ZNF827: variants seen among roughly 807,000 people sequenced by gnomAD.
ZNF827 encodes the protein zinc finger protein 827.
In ZNF827, 13 loss-of-function variants were observed where a neutral mutation model predicts 102.4. That is an observed-to-expected ratio of 0.13 (90% CI 0.08 to 0.20). The LOEUF is 0.20. Among genes scored for constraint, ZNF827 ranks in the 10% least tolerant of loss-of-function variants. ZNF827 has a pLI of 1.00. For synonymous variants in ZNF827, 523 were observed against 536.2 expected, an observed-to-expected ratio of 0.98 and a Z score of 0.34; for missense variants, 1,103 against 1,344.4, an observed-to-expected ratio of 0.82 and a Z score of 2.81.
intron 1 of ZNF827, among the ~76,000 whole-genome samples, chr4:145,917,723 A>AG (rs1752766038): frequency 6.8e-6 from 1 of 147,116 alleles, no homozygotes; most frequent in South Asian, 2.1e-4. Flanking sequence ...AAAAAAAAAA[A>AG]AAAGAAAAGA....
At chr4:145,851,503 C>T (rs1230050287) in intron 5 of ZNF827, among the ~76,000 whole-genome samples, 1 of 151,330 alleles carries the variant, frequency 6.6e-6, no homozygotes, top group African/African-American at 2.4e-5. Context: ...GTTTATTGAC[C>T]GGTAGTTAAA....
chr4:145,765,109 G>A lies in ZNF827; in HGVS notation c.3109C>T (p.His1037Tyr). Reference sequence around the variant, plus strand: ...CGGGTGATGAGGTGTATCTGCAGATGACGCTCAAACATGTTCTTCGTCTTG... The same window carrying A: ...CGGGTGATGAGGTGTATCTGCAGATAACGCTCAAACATGTTCTTCGTCTTG... ...VCKTKNMFER[H>Y]LQIHLITRMF... is the part of the protein sequence containing the mutation. Residue 1037 changes from histidine (H) to tyrosine (Y), a missense_variant, in exon 13 of 15, where the codon CAT becomes TAT. Physicochemically the swap from His to Tyr is moderately conservative, Grantham distance 83. This residue lies in a region of ZNF827 where 242 missense variants were observed against 361.9 expected (regional missense o/e 0.67). Coordinates refer to ENST00000508784, the MANE Select transcript of ZNF827 (RefSeq NM_001306215.2). This position sits in a 1 kb window ranked among gnomAD's most constrained non-coding sequence, Gnocchi z 4.7. 6.2e-7 allele frequency: 1 copy of A among 1,614,106 alleles called. No individual in the cohort carries two copies. Among genetic ancestry groups the A allele is most frequent in the Non-Finnish European group, 8.5e-7 (1 of 1,180,020 alleles).
chr4:145,847,731 T>A (rs1417165615), intron 6 of ZNF827, among the ~76,000 whole-genome samples: 1 of 152,208 alleles, frequency 6.6e-6, no homozygotes, highest in Non-Finnish European at 1.5e-5. Context: ...AGAAAAAACC[T>A]GGCCAACTGT....
intron 8 of ZNF827, among the ~76,000 whole-genome samples, chr4:145,806,417 A>C (rs1741460640): frequency 6.6e-6 from 1 of 152,064 alleles, no homozygotes; most frequent in Admixed American, 6.5e-5. Flanking sequence ...TGGCCTCCCA[A>C]AGTGCTGGGA....
In ZNF827 at chr4:145,902,712, A is replaced by C; in HGVS notation, c.547T>G (p.Tyr183Asp). Residue 183 changes from tyrosine (Y) to aspartate (D), a missense_variant, in exon 2 of 15, where the codon TAC becomes GAC. Physicochemically the swap from Tyr to Asp is radical, Grantham distance 160. Coordinates refer to ENST00000508784, the MANE Select transcript of ZNF827 (RefSeq NM_001306215.2). The surrounding 1 kb of genome is among the most constrained non-coding windows in gnomAD (Gnocchi z 4.3). ...LAEKQEQNDQYTPSNRFIWNQ... is the reference protein window; with the variant it reads ...LAEKQEQNDQDTPSNRFIWNQ... ...CATATAAAACGGTTACTTGGAGTGT[A>C]TTGGTCATTCTGTTCCTGCTTCTCG... 1 of 1,613,948 alleles carries C rather than the reference A, an allele frequency of 6.2e-7. No homozygotes were observed. Among genetic ancestry groups the C allele is most frequent in the Middle Eastern group, 1.6e-4 (1 of 6,062 alleles).
intron 3 of ZNF827, among the ~76,000 whole-genome samples, chr4:145,889,040 C>T (rs577911446): frequency 2.6e-4 from 39 of 151,886 alleles, no homozygotes; most frequent in Non-Finnish European, 5.1e-4. Context: ...TTTAAAACAT[C>T]GATATACCAA....
chr4:145,777,116 T>C (rs141758647), intron 9 of ZNF827, among the ~76,000 whole-genome samples: 1 of 152,338 alleles, frequency 6.6e-6, no homozygotes, highest in African/African-American at 2.4e-5. Flanking sequence ...AAAGTTCTTC[T>C]CTACAAAATA....
chr4:145,818,244 G>C (rs969585898), intron 8 of ZNF827, among the ~76,000 whole-genome samples: 1 of 152,230 alleles, frequency 6.6e-6, no homozygotes, highest in Non-Finnish European at 1.5e-5. Context: ...TTAGCAGGCA[G>C]CAAGATAGGG....
intron 2 of ZNF827, among the ~76,000 whole-genome samples, chr4:145,896,454 T>G (rs1168503629): frequency 6.6e-6 from 1 of 152,172 alleles, no homozygotes; most frequent in Non-Finnish European, 1.5e-5. Context: ...AGGAATTGGC[T>G]GCAACAGGGC....
At position 145,765,289 on chromosome 4, in the gene ZNF827, G is replaced by A; in HGVS notation, c.3053-124C>T. 1 of 1,129,988 alleles carries A rather than the reference G, an allele frequency of 8.8e-7. No individual in the cohort carries two copies. Among genetic ancestry groups the A allele is most frequent in the Non-Finnish European group, 1.2e-6 (1 of 816,496 alleles). The allele number at this position is 1,129,988 out of a possible 1,614,324, so 70.0% of individuals were successfully genotyped here. A position where few individuals can be genotyped will look rare whatever the true frequency, so the allele number is the denominator to read the frequency against. On this transcript the variant is annotated intron_variant, in intron 12 of 14. Coordinates refer to ENST00000508784, the MANE Select transcript of ZNF827 (RefSeq NM_001306215.2). This position sits in a 1 kb window ranked among gnomAD's most constrained non-coding sequence, Gnocchi z 4.7. ...GACGCCTGACAGCTATACCCTTCCA[G>A]GCACTGTTCCCCATATCTCTGTGCT...
intron 5 of ZNF827, among the ~76,000 whole-genome samples, chr4:145,850,107 T>G (rs1177198014): frequency 6.6e-6 from 1 of 152,016 alleles, no homozygotes; most frequent in African/African-American, 2.4e-5. Flanking sequence ...CCTCCCAGGT[T>G]TAAGAGATTC....
intron 1 of ZNF827, among the ~76,000 whole-genome samples, chr4:145,930,561 A>G (rs975348917): frequency 1.3e-5 from 2 of 152,190 alleles, no homozygotes; most frequent in Admixed American, 1.3e-4. Flanking sequence ...TTGAATTAGG[A>G]TTTTCTTAAA....
intron 8 of ZNF827, among the ~76,000 whole-genome samples, chr4:145,788,714 G>A (rs1332080807): frequency 6.6e-6 from 1 of 152,140 alleles, no homozygotes; most frequent in East Asian, 1.9e-4. Context: ...TTATTATCTT[G>A]CCCATTACAC....
At chr4:145,927,171 C>G (rs17020795) in intron 1 of ZNF827, among the ~76,000 whole-genome samples, 10,795 of 152,086 alleles carry the variant, frequency 0.071, 674 homozygotes, top group African/African-American at 0.17. Context: ...TTAACAAGTA[C>G]GGCCAAACAA....
At chr4:145,934,538 C>T (rs1039320957) in intron 1 of ZNF827, among the ~76,000 whole-genome samples, 1 of 152,138 alleles carries the variant, frequency 6.6e-6, no homozygotes, top group African/African-American at 2.4e-5. Context: ...CTTAGCAGGC[C>T]GGAGCTCAGA....
chr4:145,903,642 T>TG (rs1467504080), intron 1 of ZNF827, among the ~76,000 whole-genome samples: 9 of 152,106 alleles, frequency 5.9e-5, no homozygotes, highest in African/African-American at 1.9e-4. Flanking sequence ...ACACAGACAG[T>TG]GGGAAGCGCT....
intron 4 of ZNF827, among the ~76,000 whole-genome samples, chr4:145,877,825 TC>T (rs1483415006): frequency 6.6e-6 from 1 of 152,066 alleles, no homozygotes; most frequent in Non-Finnish European, 1.5e-5. Flanking sequence ...ACAGGATATC[TC>T]CCTCGTCAAA....
intron 13 of ZNF827, 99 bp downstream of exon 13, chr4:145,764,889 C>T (rs1735048774): frequency 9.6e-6 from 15 of 1,563,512 alleles, no homozygotes; most frequent in Non-Finnish European, 1.3e-5. Context: ...CTCCCCTTCT[C>T]CATGACTCCC....
intron 3 of ZNF827, among the ~76,000 whole-genome samples, chr4:145,891,569 G>T (rs1579492380): frequency 6.6e-6 from 1 of 152,152 alleles, no homozygotes; most frequent in East Asian, 1.9e-4. Flanking sequence ...GAGCTCCCCA[G>T]TTGTTTTTAA....
Sources: allele counts gnomAD v4.1 joint callset (sites outside exome capture counted in the v4.1 genomes callset), GRCh38; gene constraint gnomAD v4.1.1; regional missense constraint gnomAD v4.1.1; non-coding constraint Gnocchi (gnomAD v3.1); transcripts MANE v1.5; gene names NCBI Gene and HGNC (gene_info 2026-07-23, HGNC 2026-07-21).